Variants in CEP170B observed in about 807,000 individuals in gnomAD.
CEP170B encodes the protein centrosomal protein of 170 kDa protein B.
In CEP170B, 55 loss-of-function variants were observed where a neutral mutation model predicts 120.6. The ratio of observed to expected loss-of-function variants is 0.46; its 90% CI spans 0.37 to 0.57. The LOEUF is 0.57. Among genes scored for constraint, CEP170B ranks in the 20% least tolerant of loss-of-function variants. The pLI is 0.00. For missense variants in CEP170B, 2,212 were observed against 2,253.3 expected, an observed-to-expected ratio of 0.98 and a Z score of 0.37; for synonymous variants, 1,033 against 954.5, an observed-to-expected ratio of 1.08 and a Z score of -1.52.
In CEP170B at chr14:104,895,408, G is replaced by A. The variant is rs544244760; in HGVS notation, c.*450G>A. 1.6e-4 allele frequency: 25 copies of A among 156,996 alleles called. No homozygotes were observed. The South Asian group carries it at 5.1e-3, about 32-fold the overall frequency. The allele number at this position is 156,996 out of a possible 1,614,324, so 9.7% of individuals were successfully genotyped here. A position where few individuals can be genotyped will look rare whatever the true frequency, so the allele number is the denominator to read the frequency against. ...GCGGCCAGGCAGAGGAAGAGAGGTC[G>A]ACTGTGGGGTCATTTGGTGCCAAAC... On this transcript the variant is annotated 3_prime_UTR_variant, in exon 19 of 19. Transcript: ENST00000414716.
rs1595304544 is a variant in CEP170B at position 104,868,625 on chromosome 14, T to C, written c.105+70T>C. 1 of 1,412,634 alleles carries C rather than the reference T, an allele frequency of 7.1e-7. No individual in the cohort carries two copies. The highest frequency in any genetic ancestry group is 9.6e-7 in the Non-Finnish European group (1 of 1,041,452). The allele number at this position is 1,412,634 out of a possible 1,614,324, so 87.5% of individuals were successfully genotyped here. On this transcript the variant is annotated intron_variant, in intron 2 of 18. Coordinates refer to ENST00000414716, the MANE Select transcript of CEP170B (RefSeq NM_001112726.3). The surrounding 1 kb of genome is among the most constrained non-coding windows in gnomAD (Gnocchi z 5.9). The stretch of plus-strand genomic sequence containing the variant: ...TCTGTCCCTGTGGAGGCCAGGAAGG[T>C]GCCCACCCCACTTGCTGCAGGCCAC...
rs897257429 is a variant in CEP170B at position 104,896,039 on chromosome 14, G to A, written c.*1081G>A. 3.2e-5 allele frequency: 5 copies of A among 155,932 alleles called. No individual in the cohort carries two copies. The highest frequency in any genetic ancestry group is 5.7e-5 in the Non-Finnish European group (4 of 70,078). 9.7% of individuals were successfully genotyped at this position (155,932 alleles called of 1,614,324 possible). On this transcript the variant is annotated 3_prime_UTR_variant, in exon 19 of 19. Transcript: ENST00000414716. ...GCCGTGGCCCCTGCTGGGGCAGCCC[G>A]TGTTGCCGGAGCCTCTAAGCCAAAG... is the stretch of plus-strand genomic sequence containing the variant.
chr14:104,868,350 C>A lies in CEP170B; in HGVS notation c.-27-74C>A. The A allele has an allele frequency of 9.5e-7, 1 of 1,056,732 alleles. No homozygotes were observed. The highest frequency in any genetic ancestry group is 1.4e-6 in the Non-Finnish European group (1 of 729,182). The allele number at this position is 1,056,732 out of a possible 1,614,324, so 65.5% of individuals were successfully genotyped here. On this transcript the variant is annotated intron_variant, in intron 1 of 18. Coordinates refer to ENST00000414716, the MANE Select transcript of CEP170B (RefSeq NM_001112726.3). This position sits in a 1 kb window ranked among gnomAD's most constrained non-coding sequence, Gnocchi z 5.9. ...TTCCCTTAGAGGGTCAGGATCTGGG[C>A]TGGGCCTTGGATGTGTCCAGGGGGC...
chr14:104,879,400 G>A (rs185101953), intron 5 of CEP170B, among the ~76,000 whole-genome samples: 48 of 152,258 alleles, frequency 3.2e-4, no homozygotes, highest in African/African-American at 1.2e-3. Context: ...GGCAGGATTT[G>A]GGGTCACTTC....
Position 104,877,908 on chromosome 14 carries a change from C to T in CEP170B, c.219C>T (p.Ile73=). Residue 73 remains isoleucine, a synonymous_variant, in exon 4 of 19, where the codon ATC becomes ATT. Coordinates refer to ENST00000414716, the MANE Select transcript of CEP170B (RefSeq NM_001112726.3). ...AGACGTTTGTGAATGACATGCGCAT[C>T]CCGGACCAGAAGTACGTCACGCTGA... ...LNGTFVNDMR[I]PDQKYVTLKL... 1 of 1,573,182 alleles carries T rather than the reference C, an allele frequency of 6.4e-7. No homozygotes were observed.
Position 104,893,573 on chromosome 14 carries a change from C to T in CEP170B, c.4089C>T (p.Pro1363=), listed in dbSNP as rs767832238. The T allele has an allele frequency of 1.3e-5, 21 of 1,604,654 alleles. No individual in the cohort carries two copies. The East Asian group carries it at 1.6e-4, about 12-fold the overall frequency. Residue 1363 remains proline (P), a synonymous_variant, in exon 15 of 19, where the codon CCC becomes CCT. Coordinates refer to ENST00000414716, the MANE Select transcript of CEP170B (RefSeq NM_001112726.3). ...EASLNFQKVP[P]GSLNSRDFDQ... is the part of the protein sequence containing the mutation. ...GCCTCAACTTCCAGAAGGTGCCGCC[C>T]GGCTCGCTGAACTCTCGGGACTTTG...
Position 104,868,868 on chromosome 14 carries a change from G to A in CEP170B, c.105+313G>A, listed in dbSNP as rs190894412. On this transcript the variant is annotated intron_variant, in intron 2 of 18. Transcript: ENST00000414716. This position sits in a 1 kb window ranked among gnomAD's most constrained non-coding sequence, Gnocchi z 5.9. ...GGGGTCCCTAGAAGCGTGAGTTGGC[G>A]TCCTTTTGCAGAGAGGGAGCTGAGG... 8.5e-5 allele frequency among the ~76,000 whole-genome samples: 13 copies of A among 152,256 alleles called. No individual in the cohort carries two copies. The highest frequency in any genetic ancestry group is 2.4e-4 in the African/African-American group (10 of 41,516).
chr14:104,874,909 A>G (rs946452516), intron 2 of CEP170B, among the ~76,000 whole-genome samples: 1 of 152,090 alleles, frequency 6.6e-6, no homozygotes, highest in Admixed American at 6.5e-5. Context: ...CTGCCCTGGC[A>G]CCTCTGCAGA....
rs928480940 is a variant in CEP170B, at chr14:104,893,237, G to A, written c.4038+102G>A. ...TGCATGCCTCGGCTGAGGCCCTGCT[G>A]CACATCCCCACTTGGCGAGCTGGAA... On this transcript the variant is annotated intron_variant, in intron 14 of 18. Coordinates refer to ENST00000414716, the MANE Select transcript of CEP170B (RefSeq NM_001112726.3). 2.8e-5 allele frequency: 37 copies of A among 1,323,622 alleles called. No homozygotes were observed. In the Admixed American group the frequency reaches 4.8e-4, roughly 17 times the overall value. 82.0% of individuals were successfully genotyped at this position (1,323,622 alleles called of 1,614,324 possible).
In CEP170B at chr14:104,890,390, GTGGATGGA is replaced by G. The variant is rs1292538038; in HGVS notation, c.3878+655_3878+662del. The stretch of plus-strand genomic sequence containing the variant: ...AGTGGGTGGGTGGATGGATGGATGA[GTGGATGGA>G]TGGATGGATGGATGGATGGATGAAT... On this transcript the variant is annotated intron_variant, in intron 13 of 18. Transcript: ENST00000414716. Among the ~76,000 whole-genome samples the G allele has an allele frequency of 3.8e-4, 45 of 118,158 alleles. 1 individual carries two copies. Among genetic ancestry groups the G allele is most frequent in the East Asian group, 1.2e-3 (4 of 3,364 alleles). 77.5% of individuals were successfully genotyped at this position (118,158 alleles called of 152,430 possible). A position where few individuals can be genotyped will look rare whatever the true frequency, so the allele number is the denominator to read the frequency against.
chr14:104,895,279 C>T lies in CEP170B; in HGVS notation c.*321C>T. 1 of 330,802 alleles carries T rather than the reference C, an allele frequency of 3.0e-6. No individual in the cohort carries two copies. Among genetic ancestry groups the T allele is most frequent in the Admixed American group, 4.8e-5 (1 of 20,882 alleles). The allele number at this position is 330,802 out of a possible 1,614,324, so 20.5% of individuals were successfully genotyped here. A position where few individuals can be genotyped will look rare whatever the true frequency, so the allele number is the denominator to read the frequency against. On this transcript the variant is annotated 3_prime_UTR_variant, in exon 19 of 19. Coordinates refer to ENST00000414716, the MANE Select transcript of CEP170B (RefSeq NM_001112726.3). ...TCCTCTTCATCACTGTTATTTTTGT[C>T]TTTAGCTTTAAAGGAAAGAGTTGTT...
At chr14:104,879,050 C>T (rs1896008176) in intron 5 of CEP170B, among the ~76,000 whole-genome samples, 1 of 152,204 alleles carries the variant, frequency 6.6e-6, no homozygotes, top group African/African-American at 2.4e-5. Context: ...CTGAGCCCCC[C>T]AGCATCTTTT....
At position 104,894,985 on chromosome 14, in the gene CEP170B, C is replaced by G; in HGVS notation, c.*27C>G. 2 of 1,518,406 alleles carry G rather than the reference C, an allele frequency of 1.3e-6. No homozygotes were observed. The highest frequency in any genetic ancestry group is 1.8e-6 in the Non-Finnish European group (2 of 1,128,518). 94.1% of individuals were successfully genotyped at this position (1,518,406 alleles called of 1,614,324 possible). A position where few individuals can be genotyped will look rare whatever the true frequency, so the allele number is the denominator to read the frequency against. On this transcript the variant is annotated 3_prime_UTR_variant, in exon 19 of 19. Coordinates refer to ENST00000414716, the MANE Select transcript of CEP170B (RefSeq NM_001112726.3). ...CCCCAGACCTGGCCAGGCCAGCCTCCCTGTGCGTGTGCGTCTCTGCCTTCC... is the reference window on the plus strand; with the variant it reads ...CCCCAGACCTGGCCAGGCCAGCCTCGCTGTGCGTGTGCGTCTCTGCCTTCC...
intron 8 of CEP170B, 120 bp from the exon 9 acceptor site, chr14:104,883,711 G>C (rs930869542): frequency 8.8e-7 from 1 of 1,133,880 alleles, no homozygotes; most frequent in Non-Finnish European, 1.2e-6. Flanking sequence ...GTGTGGGGGG[G>C]CCCTGAGGGC....
rs1426324808 is a variant in CEP170B at position 104,894,757 on chromosome 14, A to G, written c.4464A>G (p.Thr1488=). ...CCAGTGGGAGCCTGGACCTGCTCAC[A>G]GGAAACAGGAGCTTGGCCAGCTCTG... ...VDPSGSLDLL[T]GNRSLASSAQ... is the part of the protein sequence containing the mutation. The change falls in exon 19 of 19, where the codon ACA becomes ACG. Residue 1488 remains threonine, a synonymous_variant. Transcript: ENST00000414716. The G allele has an allele frequency of 1.2e-6, 2 of 1,600,244 alleles. No individual in the cohort carries two copies. Among genetic ancestry groups the G allele is most frequent in the African/African-American group, 1.3e-5 (1 of 74,744 alleles).
rs1316455300 is a variant in CEP170B, at chr14:104,890,941, ATGGG to A, written c.3878+1195_3878+1198del. 3.7e-4 allele frequency among the ~76,000 whole-genome samples: 28 copies of A among 75,738 alleles called. 1 individual carries two copies. In the East Asian group the frequency reaches 5.6e-3, roughly 15 times the overall value. The allele number at this position is 75,738 out of a possible 152,430, so 49.7% of individuals were successfully genotyped here. On this transcript the variant is annotated intron_variant, in intron 13 of 18. Transcript: ENST00000414716. ...GATGGATGGATGAGTGGGTGGATGGATGGGTGGGTGGGTGGATGGATGGGTGGGT... is the reference window on the plus strand; with the variant it reads ...GATGGATGGATGAGTGGGTGGATGGATGGGTGGGTGGATGGATGGGTGGGT...
In CEP170B at chr14:104,868,443, G is replaced by A. The variant is rs1241982772; in HGVS notation, c.-8G>A. The A allele has an allele frequency of 6.5e-7, 1 of 1,548,160 alleles. No homozygotes were observed. The highest frequency in any genetic ancestry group is 8.7e-7 in the Non-Finnish European group (1 of 1,146,752). On this transcript the variant is annotated 5_prime_UTR_variant, in exon 2 of 19. Transcript: ENST00000414716. The surrounding 1 kb of genome is among the most constrained non-coding windows in gnomAD (Gnocchi z 5.9). ...CCCCAGGGCCAGACGGGCCCAGCCAGCACCAAGATGAGTGCCACGTCCTGG... is the reference window on the plus strand; with the variant it reads ...CCCCAGGGCCAGACGGGCCCAGCCAACACCAAGATGAGTGCCACGTCCTGG...
chr14:104,874,879 C>T (rs186391022), intron 2 of CEP170B, among the ~76,000 whole-genome samples: 1 of 152,286 alleles, frequency 6.6e-6, no homozygotes, highest in East Asian at 1.9e-4. Context: ...CACCACGAGC[C>T]CCACCCAGCT....
At chr14:104,873,852 C>A (rs1334356571) in intron 2 of CEP170B, among the ~76,000 whole-genome samples, 1 of 152,140 alleles carries the variant, frequency 6.6e-6, no homozygotes, top group Non-Finnish European at 1.5e-5. Flanking sequence ...AGGGCCCGAG[C>A]CCGGCCCCAG....
Sources: gnomAD v4.1 joint callset for allele counts (sites outside exome capture counted in the v4.1 genomes callset) on GRCh38, gnomAD v4.1.1 for gene constraint, Gnocchi (gnomAD v3.1) non-coding constraint, MANE v1.5 for transcripts, NCBI Gene and HGNC (gene_info 2026-07-23, HGNC 2026-07-21) for gene names.